GUCY1A1: variants seen among roughly 807,000 people sequenced by gnomAD.
GUCY1A1 encodes guanylate cyclase soluble subunit alpha-1.
A neutral mutation model predicts 64.5 loss-of-function variants in GUCY1A1; 48 were observed. The observed-to-expected ratio is 0.74, with a 90% CI of 0.59 to 0.95. The LOEUF (loss-of-function observed/expected upper bound fraction) is 0.95, where lower values mean the gene tolerates loss of function less well. GUCY1A1 is among the 40% of genes least tolerant of loss of function. GUCY1A1 has a pLI of 0.00. For missense variants in GUCY1A1, 804 were observed against 825.3 expected (o/e 0.97, Z 0.32); for synonymous variants, 308 against 303.4 (o/e 1.02, Z -0.16).
At position 155,732,335 on chromosome 4, in the gene GUCY1A1, T is replaced by G. The variant is rs1483028; in HGVS notation, c.*2104T>G. On this transcript the variant is annotated 3_prime_UTR_variant, in exon 10 of 10. Coordinates refer to ENST00000506455, the MANE Select transcript of GUCY1A1 (RefSeq NM_001130682.3). ...CGTGGCATTATATCTAAATAAAAAATTACCAAAAAACATATTTTCACAGTG... is the reference window on the plus strand; with the variant it reads ...CGTGGCATTATATCTAAATAAAAAAGTACCAAAAAACATATTTTCACAGTG... 1.1e-4 allele frequency: 16 copies of G among 151,808 alleles called. No individual in the cohort carries two copies. Among genetic ancestry groups the G allele is most frequent in the Admixed American group, 1.1e-3 (16 of 15,194 alleles). The allele number at this position is 151,808 out of a possible 1,614,324, so 9.4% of individuals were successfully genotyped here. A position where few individuals can be genotyped will look rare whatever the true frequency, so the allele number is the denominator to read the frequency against.
chr4:155,700,907 C>A (rs1579061102), intron 3 of GUCY1A1, among the ~76,000 whole-genome samples: 1 of 152,160 alleles, frequency 6.6e-6, no homozygotes, highest in East Asian at 1.9e-4. Context: ...GTTCTAAAAT[C>A]TGAAACCAAA....
intron 2 of GUCY1A1, among the ~76,000 whole-genome samples, chr4:155,682,089 T>C (rs72685775): frequency 0.012 from 1,792 of 152,200 alleles, 14 homozygotes; most frequent in Non-Finnish European, 0.02. Flanking sequence ...TTTTATAATA[T>C]CTCTAGTAGC....
At chr4:155,668,027 G>C (rs1032367572) in intron 2 of GUCY1A1, 1 of 152,304 alleles carries the variant, frequency 6.6e-6, no homozygotes, top group Non-Finnish European at 1.5e-5. Context: ...CACGAGGTGT[G>C]CGCGTGTGTG....
rs1007289699 is a variant in GUCY1A1 at position 155,722,184 on chromosome 4, A to G, written c.1863A>G (p.Thr621=). The G allele has an allele frequency of 5.0e-6, 8 of 1,612,276 alleles. 1 individual carries two copies. In the Middle Eastern group the frequency reaches 4.9e-4, roughly 100 times the overall value. ...SVPRKINVSP[T]TYRLLKDCPG... is the part of the protein sequence containing the mutation. Reference sequence around the variant, plus strand: ...CACGAAAAATCAATGTCAGCCCAACAACTTACAGGTAGTAATTATGTTAAA... The same window carrying G: ...CACGAAAAATCAATGTCAGCCCAACGACTTACAGGTAGTAATTATGTTAAA... Residue 621 remains threonine (T), a synonymous_variant, in exon 9 of 10, where the codon ACA becomes ACG. Transcript: ENST00000506455.
rs760848389 is a variant in GUCY1A1, at chr4:155,722,079, C to T, written c.1758C>T (p.Val586=). The T allele has an allele frequency of 1.1e-5, 17 of 1,613,398 alleles. No homozygotes were observed. In the South Asian group the frequency reaches 1.1e-4, roughly 10 times the overall value. Residue 586 remains valine (V), a synonymous_variant, in exon 9 of 10, where the codon GTC becomes GTT. Coordinates refer to ENST00000506455, the MANE Select transcript of GUCY1A1 (RefSeq NM_001130682.3). ...GLHSGSVFAG[V]VGVKMPRYCL... ...ACTCTGGATCAGTTTTTGCTGGCGT[C>T]GTTGGAGTTAAAATGCCCCGTTACT... is the stretch of plus-strand genomic sequence containing the variant.
rs1278305619 is a variant in GUCY1A1, at chr4:155,731,309, T to C, written c.*1078T>C. Reference sequence around the variant, plus strand: ...CTTTTGGTGGATATCTCATTTTTCTTGAGTATTTGTGCTGAACATTTTGGT... The same window carrying C: ...CTTTTGGTGGATATCTCATTTTTCTCGAGTATTTGTGCTGAACATTTTGGT... On this transcript the variant is annotated 3_prime_UTR_variant, in exon 10 of 10. Transcript: ENST00000506455. 6.6e-6 allele frequency: 1 copy of C among 151,848 alleles called. No homozygotes were observed. The highest frequency in any genetic ancestry group is 1.9e-4 in the East Asian group (1 of 5,168). The allele number at this position is 151,848 out of a possible 1,614,324, so 9.4% of individuals were successfully genotyped here.
In GUCY1A1 at chr4:155,730,890, G is replaced by A. The variant is rs914645611; in HGVS notation, c.*659G>A. 2.0e-5 allele frequency: 3 copies of A among 152,982 alleles called. No individual in the cohort carries two copies. Among genetic ancestry groups the A allele is most frequent in the South Asian group, 2.1e-4 (1 of 4,826 alleles). 9.5% of individuals were successfully genotyped at this position (152,982 alleles called of 1,614,324 possible). Reference sequence around the variant, plus strand: ...AGTTAAAAATACTCTCCATAGTAACGTGTGTTATAATAATAAATATTTCTT... The same window carrying A: ...AGTTAAAAATACTCTCCATAGTAACATGTGTTATAATAATAAATATTTCTT... On this transcript the variant is annotated 3_prime_UTR_variant, in exon 10 of 10. Coordinates refer to ENST00000506455, the MANE Select transcript of GUCY1A1 (RefSeq NM_001130682.3).
chr4:155,703,908 A>C, intron 3 of GUCY1A1, 24 bp from the exon 4 acceptor site: 2 of 1,483,196 alleles, frequency 1.3e-6, no homozygotes, highest in Non-Finnish European at 9.3e-7. Context: ...GGGAATGTTT[A>C]AAACATTTCT....
At position 155,722,109 on chromosome 4, in the gene GUCY1A1, T is replaced by C. The variant is rs200882584; in HGVS notation, c.1788T>C (p.Leu596=). ...GAGTTAAAATGCCCCGTTACTGTCTTTTTGGAAACAATGTCACTCTGGCTA... is the reference window on the plus strand; with the variant it reads ...GAGTTAAAATGCCCCGTTACTGTCTCTTTGGAAACAATGTCACTCTGGCTA... ...VVGVKMPRYC[L]FGNNVTLANK... is the part of the protein sequence containing the mutation. Residue 596 remains leucine (L), a synonymous_variant, in exon 9 of 10, where the codon CTT becomes CTC. Coordinates refer to ENST00000506455, the MANE Select transcript of GUCY1A1 (RefSeq NM_001130682.3). The C allele has an allele frequency of 3.7e-6, 6 of 1,613,670 alleles. No individual in the cohort carries two copies. The highest frequency in any genetic ancestry group is 4.2e-6 in the Non-Finnish European group (5 of 1,179,700).
At chr4:155,673,765 C>T (rs554614098) in intron 2 of GUCY1A1, among the ~76,000 whole-genome samples, 59 of 151,504 alleles carry the variant, frequency 3.9e-4, no homozygotes, top group Non-Finnish European at 6.5e-4. Flanking sequence ...TCTAGCTTTT[C>T]GTTTCCCCTT....
chr4:155,725,774 T>C (rs1403091178), intron 9 of GUCY1A1, among the ~76,000 whole-genome samples: 3 of 152,062 alleles, frequency 2.0e-5, no homozygotes, highest in Non-Finnish European at 1.5e-5. Flanking sequence ...TGTTGACATA[T>C]ATTTCTGACA....
At position 155,736,772 on chromosome 4, in the gene GUCY1A1, AGG is replaced by A. The variant is rs1736095146; in HGVS notation, c.*6542_*6543del. On this transcript the variant is annotated 3_prime_UTR_variant, in exon 10 of 10. Transcript: ENST00000506455. ...GTTTTTGGTAAATATGCATTGCTAT[AGG>A]TATACCAAGTTTTTTTTGTTATGTT... The A allele has an allele frequency of 2.0e-5, 3 of 152,062 alleles. No individual in the cohort carries two copies. The South Asian group carries it at 6.2e-4, about 31-fold the overall frequency. 9.4% of individuals were successfully genotyped at this position (152,062 alleles called of 1,614,324 possible).
chr4:155,710,181 G>A (rs1208358386), intron 5 of GUCY1A1, among the ~76,000 whole-genome samples: 6 of 152,220 alleles, frequency 3.9e-5, no homozygotes, highest in Non-Finnish European at 7.3e-5. Flanking sequence ...TCTTCATGAG[G>A]ATGGATTGCT....
At position 155,691,861 on chromosome 4, in the gene GUCY1A1, G is replaced by A. The variant is rs190582709; in HGVS notation, c.-112-4895G>A. Among the ~76,000 whole-genome samples the A allele has an allele frequency of 1.5e-3, 221 of 152,184 alleles. 1 individual carries two copies. Among genetic ancestry groups the A allele is most frequent in the African/African-American group, 5.1e-3 (211 of 41,536 alleles). ...GTTACATAAGTAAACTTGTGTCATG[G>A]GAGTTTGTTGCACAGATTATTTCAT... On this transcript the variant is annotated intron_variant, in intron 2 of 9. Transcript: ENST00000506455.
intron 2 of GUCY1A1, among the ~76,000 whole-genome samples, chr4:155,678,476 A>G (rs934304688): frequency 6.6e-6 from 1 of 152,210 alleles, no homozygotes; most frequent in Non-Finnish European, 1.5e-5. Context: ...CATTCCAAGC[A>G]TTAATACAAC....
intron 9 of GUCY1A1, among the ~76,000 whole-genome samples, chr4:155,725,188 T>A (rs11724647): frequency 0.16 from 24,429 of 152,054 alleles, 2,158 homozygotes; most frequent in East Asian, 0.21. Context: ...GTTAGCTTCC[T>A]GTGGTACACA....
At chr4:155,678,792 T>C (rs1228930364) in intron 2 of GUCY1A1, among the ~76,000 whole-genome samples, 2 of 152,240 alleles carry the variant, frequency 1.3e-5, no homozygotes, top group Non-Finnish European at 2.9e-5. Flanking sequence ...CTGTTTTCCA[T>C]TCCCACCAGT....
intron 2 of GUCY1A1, among the ~76,000 whole-genome samples, chr4:155,668,983 C>T (rs1489316256): frequency 6.6e-6 from 1 of 152,114 alleles, no homozygotes; most frequent in African/African-American, 2.4e-5. Flanking sequence ...CCAAAATGGA[C>T]CTGTGTCCTA....
intron 2 of GUCY1A1, among the ~76,000 whole-genome samples, chr4:155,679,338 A>T (rs2705437): frequency 1 from 151,899 of 152,354 alleles, 75,725 homozygotes; most frequent in Middle Eastern, 1. Flanking sequence ...GAATACCCGA[A>T]GTTGGATAAT....
Sources: allele counts gnomAD v4.1 joint callset (sites outside exome capture counted in the v4.1 genomes callset), GRCh38; gene constraint gnomAD v4.1.1; transcripts MANE v1.5; gene names NCBI Gene and HGNC (gene_info 2026-07-23, HGNC 2026-07-21).